The following DGKB variants were observed in gnomAD, a reference collection of about 807,000 sequenced individuals.
The protein encoded by DGKB is diacylglycerol kinase beta.
Under a neutral mutation model 114.3 loss-of-function variants are expected in DGKB, and 67 were observed. That is an observed-to-expected ratio of 0.59 (90% CI 0.48 to 0.72). The LOEUF is 0.72. DGKB is among the 30% of genes least tolerant of loss of function. The pLI is 0.00. For synonymous variants in DGKB, 398 were observed against 323.1 expected, an observed-to-expected ratio of 1.23 and a Z score of -2.49; for missense variants, 907 against 975.2, an observed-to-expected ratio of 0.93 and a Z score of 0.93.
intron 15 of DGKB, among the ~76,000 whole-genome samples, chr7:14,615,395 G>C (rs925152055): frequency 6.6e-6 from 1 of 151,658 alleles, no homozygotes; most frequent in African/African-American, 2.4e-5. Context: ...TTAATTGTGA[G>C]AATATTTATA....
At chr7:14,609,693 C>G (rs1459206696) in intron 16 of DGKB, among the ~76,000 whole-genome samples, 1 of 151,882 alleles carries the variant, frequency 6.6e-6, no homozygotes, top group African/African-American at 2.4e-5. Context: ...CAACAAATAA[C>G]CCCATTAAAC....
chr7:14,920,808 T>C (rs545726832), intron 1 of DGKB, among the ~76,000 whole-genome samples: 8 of 152,290 alleles, frequency 5.3e-5, no homozygotes, highest in Non-Finnish European at 1.2e-4. Context: ...TGAAATATTA[T>C]TTGGTGATAA....
At chr7:14,498,766 GAAT>G (rs1198974631) in intron 20 of DGKB, among the ~76,000 whole-genome samples, 1 of 151,606 alleles carries the variant, frequency 6.6e-6, no homozygotes, top group Admixed American at 6.6e-5. Context: ...AATTCCAACA[GAAT>G]AACAATGTCA....
intron 1 of DGKB, among the ~76,000 whole-genome samples, chr7:14,886,412 A>G (rs1256317091): frequency 3.3e-5 from 5 of 151,840 alleles, no homozygotes; most frequent in Non-Finnish European, 7.4e-5. Context: ...CATATTCAAC[A>G]TGTTTAAACT....
chr7:14,469,666 T>C (rs1270837820), intron 21 of DGKB, among the ~76,000 whole-genome samples: 1 of 151,976 alleles, frequency 6.6e-6, no homozygotes, highest in Non-Finnish European at 1.5e-5. Context: ...ACACACACAG[T>C]CCTGACTCAT....
chr7:14,903,832 C>T (rs915305424), upstream of DGKB, among the ~76,000 whole-genome samples: 20 of 152,060 alleles, frequency 1.3e-4, no homozygotes, highest in African/African-American at 4.3e-4. Context: ...GTGTACAAAA[C>T]CAGACAGTTA....
chr7:14,333,614 A>G (rs1303807529), intron 23 of DGKB, among the ~76,000 whole-genome samples: 1 of 152,110 alleles, frequency 6.6e-6, no homozygotes, highest in Non-Finnish European at 1.5e-5. Context: ...ACATATATAT[A>G]TAATCAAATA....
At chr7:14,645,846 C>G (rs2128884340) in intron 13 of DGKB, among the ~76,000 whole-genome samples, 1 of 152,144 alleles carries the variant, frequency 6.6e-6, no homozygotes, top group African/African-American at 2.4e-5. Context: ...AGTTCAACAT[C>G]TGAAGGCAAA....
chr7:14,267,287 A>G (rs1243498886), intron 23 of DGKB, among the ~76,000 whole-genome samples: 1 of 152,084 alleles, frequency 6.6e-6, no homozygotes, highest in African/African-American at 2.4e-5. Context: ...TCAACTAGCT[A>G]TTCAGCTACA....
chr7:14,422,314 A>C (rs1826840638), intron 21 of DGKB, among the ~76,000 whole-genome samples: 1 of 152,078 alleles, frequency 6.6e-6, no homozygotes, highest in East Asian at 1.9e-4. Context: ...TATTTTTCTG[A>C]AGTTAACTTT....
intron 1 of DGKB, among the ~76,000 whole-genome samples, chr7:14,911,465 A>G (rs911107327): frequency 6.6e-6 from 1 of 152,140 alleles, no homozygotes; most frequent in Non-Finnish European, 1.5e-5. Context: ...CTCTATAAGT[A>G]CCAGGACTCT....
At chr7:14,939,855 C>T (rs1360808162) in intron 1 of DGKB, among the ~76,000 whole-genome samples, 5 of 151,954 alleles carry the variant, frequency 3.3e-5, no homozygotes, top group African/African-American at 4.8e-5. Flanking sequence ...CCTCGTGATC[C>T]ACCCGCCTCG....
intron 1 of DGKB, among the ~76,000 whole-genome samples, chr7:14,939,051 C>G (rs935686587): frequency 6.8e-6 from 1 of 147,776 alleles, no homozygotes; most frequent in Non-Finnish European, 1.5e-5. Context: ...GACCATAAGC[C>G]TTTCTCTATT....
At chr7:14,267,255 C>T (rs1797651013) in intron 23 of DGKB, among the ~76,000 whole-genome samples, 1 of 152,044 alleles carries the variant, frequency 6.6e-6, no homozygotes, top group Non-Finnish European at 1.5e-5. Flanking sequence ...GTCTTGGAGC[C>T]CTGAGAAACT....
At chr7:14,161,443 G>GAA (rs1783874123) in intron 25 of DGKB, among the ~76,000 whole-genome samples, 1 of 152,160 alleles carries the variant, frequency 6.6e-6, no homozygotes, top group Non-Finnish European at 1.5e-5. Context: ...ACTGGATAAA[G>GAA]AAAATGTGGC....
chr7:14,366,603 CA>C (rs1165466597), intron 21 of DGKB, among the ~76,000 whole-genome samples: 3 of 151,938 alleles, frequency 2.0e-5, no homozygotes, highest in African/African-American at 4.8e-5. Flanking sequence ...TAATACATGA[CA>C]AAAAAATTGA....
At chr7:14,209,358 T>G in intron 23 of DGKB, 1 of 427,662 alleles carries the variant, frequency 2.3e-6, no homozygotes, top group South Asian at 1.7e-5. Context: ...GATTGGGTAT[T>G]TGGAAAGATA....
chr7:14,816,866 G>A (rs1418112813), intron 2 of DGKB, among the ~76,000 whole-genome samples: 1 of 152,152 alleles, frequency 6.6e-6, no homozygotes, highest in African/African-American at 2.4e-5. Context: ...TTTATGTAAT[G>A]TTATTCAGGG....
intron 1 of DGKB, among the ~76,000 whole-genome samples, chr7:14,966,029 A>T (rs1369408329): frequency 6.6e-6 from 1 of 152,084 alleles, no homozygotes; most frequent in Non-Finnish European, 1.5e-5. Flanking sequence ...TTTTATAAAT[A>T]TTCTAAAACA....
Sources: gnomAD v4.1 joint callset for allele counts (sites outside exome capture counted in the v4.1 genomes callset) on GRCh38, gnomAD v4.1.1 for gene constraint, MANE v1.5 for transcripts, NCBI Gene and HGNC (gene_info 2026-07-23, HGNC 2026-07-21) for gene names.